TSGA10: variants seen among roughly 807,000 people sequenced by gnomAD.
TSGA10 encodes testis-specific gene 10 protein.
A neutral mutation model predicts 96.6 loss-of-function variants in TSGA10; 43 were observed. The observed-to-expected ratio is 0.44, with a 90% CI of 0.35 to 0.57. The LOEUF is 0.57. TSGA10 is among the 20% of genes least tolerant of loss of function. The pLI is 0.01. For synonymous variants in TSGA10, 229 were observed against 269.9 expected (o/e 0.85, Z 1.48); for missense variants, 703 against 834.4 (o/e 0.84, Z 1.94).
chr2:99,066,702 A>G (rs1331783281), intron 15 of TSGA10, among the ~76,000 whole-genome samples: 2 of 152,132 alleles, frequency 1.3e-5, no homozygotes, highest in African/African-American at 4.8e-5. Context: ...ATCCTCCCAT[A>G]GAGGCCAGAG....
intron 20 of TSGA10, among the ~76,000 whole-genome samples, chr2:99,014,496 C>A (rs2079314498): frequency 6.6e-6 from 1 of 152,068 alleles, no homozygotes; most frequent in Non-Finnish European, 1.5e-5. Context: ...AAAAGTAGTA[C>A]TAAGAGAAAA....
At position 99,039,472 on chromosome 2, in the gene TSGA10, A is replaced by G. The variant is rs545200994; in HGVS notation, c.1405-4033T>C. 4.6e-5 allele frequency among the ~76,000 whole-genome samples: 7 copies of G among 152,224 alleles called. No homozygotes were observed. In the East Asian group the frequency reaches 1.3e-3, roughly 29 times the overall value. ...GGAGCTATTACAACCAATACCACGG[A>G]AATACAAAAGATCATTCAAGGCTAC... On this transcript the variant is annotated intron_variant, in intron 16 of 20. Coordinates refer to ENST00000393483, the MANE Select transcript of TSGA10 (RefSeq NM_025244.4).
At chr2:99,074,393 A>C (rs1160763582) in intron 12 of TSGA10, among the ~76,000 whole-genome samples, 1 of 136,012 alleles carries the variant, frequency 7.4e-6, no homozygotes, top group South Asian at 2.3e-4. Context: ...TCCTTTATTC[A>C]TGTGCTCTTC....
chr2:99,102,724 T>C, intron 10 of TSGA10: 1 of 1,609,810 alleles, frequency 6.2e-7, no homozygotes. Flanking sequence ...GCCAAAGACT[T>C]TGTAGAAGAT....
At chr2:99,116,467 G>A (rs1333078602) in intron 4 of TSGA10, among the ~76,000 whole-genome samples, 2 of 152,278 alleles carry the variant, frequency 1.3e-5, no homozygotes, top group African/African-American at 4.8e-5. Flanking sequence ...AGTCCAGAAA[G>A]TCACAGATAT....
chr2:99,022,663 AGTTTTTGTAT>A (rs1289329397), intron 17 of TSGA10, among the ~76,000 whole-genome samples: 2 of 152,186 alleles, frequency 1.3e-5, no homozygotes, highest in Non-Finnish European at 1.5e-5. Flanking sequence ...TTTGTATACA[AGTTTTTGTAT>A]GGACATGTTT....
chr2:99,096,050 C>T (rs886735461), intron 10 of TSGA10, among the ~76,000 whole-genome samples: 4 of 152,118 alleles, frequency 2.6e-5, no homozygotes, highest in African/African-American at 9.7e-5. Context: ...CTTTAATAAT[C>T]AATGAGAAAA....
At chr2:99,134,267 CTTTG>C (rs1396173192) in intron 1 of TSGA10, among the ~76,000 whole-genome samples, 8 of 152,140 alleles carry the variant, frequency 5.3e-5, no homozygotes, top group South Asian at 2.1e-4. Context: ...TTCTTGGAGG[CTTTG>C]TTTGTTTCTT....
chr2:99,061,608 T>C (rs535993593), intron 16 of TSGA10, among the ~76,000 whole-genome samples: 3 of 152,308 alleles, frequency 2.0e-5, no homozygotes, highest in Non-Finnish European at 4.4e-5. Context: ...TTAAGCATAC[T>C]TACCATATAA....
At chr2:99,039,566 C>A (rs1480559933) in intron 16 of TSGA10, among the ~76,000 whole-genome samples, 1 of 151,632 alleles carries the variant, frequency 6.6e-6, no homozygotes, top group Non-Finnish European at 1.5e-5. Context: ...AAATATACAA[C>A]CCTTCTAGAT....
chr2:99,000,700 G>C, intron 20 of TSGA10, among the ~76,000 whole-genome samples: 1 of 152,148 alleles, frequency 6.6e-6, no homozygotes, highest in East Asian at 1.9e-4. Context: ...AGCAGGGCAG[G>C]GCATCGCCTC....
intron 2 of TSGA10, among the ~76,000 whole-genome samples, chr2:99,119,246 T>C (rs1376191157): frequency 6.6e-6 from 1 of 152,154 alleles, no homozygotes; most frequent in African/African-American, 2.4e-5. Context: ...ACCCAGTAAA[T>C]AGCCCACCAA....
At chr2:99,082,913 A>G (rs960042485) in intron 10 of TSGA10, among the ~76,000 whole-genome samples, 32 of 152,180 alleles carry the variant, frequency 2.1e-4, no homozygotes, top group Non-Finnish European at 3.8e-4. Context: ...AATTAAACTA[A>G]CATCAAAATT....
At chr2:99,005,831 C>T (rs1439318819) in intron 20 of TSGA10, among the ~76,000 whole-genome samples, 1 of 152,192 alleles carries the variant, frequency 6.6e-6, no homozygotes, top group African/African-American at 2.4e-5. Flanking sequence ...GCCCGCATTG[C>T]CAAGGCAATC....
chr2:99,002,258 G>A (rs973394483), intron 20 of TSGA10, among the ~76,000 whole-genome samples: 1 of 152,176 alleles, frequency 6.6e-6, no homozygotes, highest in African/African-American at 2.4e-5. Flanking sequence ...ACCCACAAGG[G>A]GAAGCCCATC....
Position 99,154,896 on chromosome 2 carries a change from A to G in TSGA10, c.-824T>C. On this transcript the variant is annotated 5_prime_UTR_variant, in exon 1 of 21. Coordinates refer to ENST00000393483, the MANE Select transcript of TSGA10 (RefSeq NM_025244.4). ...TCCGCAGGCGGAGAGACTAGGCGCG[A>G]TCCCTGCGCGCCCCTCCTTCTCTTG... The G allele has an allele frequency of 2.4e-6, 1 of 412,730 alleles. No homozygotes were observed. The highest frequency in any genetic ancestry group is 1.7e-5 in the South Asian group (1 of 58,538). 25.6% of individuals were successfully genotyped at this position (412,730 alleles called of 1,614,324 possible). A position where few individuals can be genotyped will look rare whatever the true frequency, so the allele number is the denominator to read the frequency against.
At chr2:99,023,657 C>T (rs1280773548) in intron 17 of TSGA10, among the ~76,000 whole-genome samples, 1 of 152,124 alleles carries the variant, frequency 6.6e-6, no homozygotes, top group African/African-American at 2.4e-5. Context: ...CTATTCTTTC[C>T]TCATTGAATT....
chr2:99,144,260 A>T (rs558613200), intron 1 of TSGA10, among the ~76,000 whole-genome samples: 31 of 151,942 alleles, frequency 2.0e-4, no homozygotes, highest in Admixed American at 1.4e-3. Flanking sequence ...TGACCTCATG[A>T]CCTGCCCGCC....
chr2:99,144,512 C>CG (rs1448650019), intron 1 of TSGA10, among the ~76,000 whole-genome samples: 1 of 151,398 alleles, frequency 6.6e-6, no homozygotes, highest in East Asian at 2.0e-4. Flanking sequence ...AGGCGGGGCA[C>CG]GGTGGCTCAT....
Sources: gnomAD v4.1 joint callset for allele counts (sites outside exome capture counted in the v4.1 genomes callset) on GRCh38, gnomAD v4.1.1 for gene constraint, MANE v1.5 for transcripts, NCBI Gene and HGNC (gene_info 2026-07-23, HGNC 2026-07-21) for gene names.